The following LHFPL6 variants were observed in gnomAD, a reference collection of about 807,000 sequenced individuals.
LHFPL6 encodes the protein LHFPL tetraspan subfamily member 6, also known as LHFPL tetraspan subfamily member 6 protein.
In LHFPL6, 9 loss-of-function variants were observed where a neutral mutation model predicts 20.6. The observed-to-expected ratio is 0.44, with a 90% CI of 0.26 to 0.76. The LOEUF is 0.76. LHFPL6 is among the 30% of genes least tolerant of loss of function. The pLI, the probability that LHFPL6 is intolerant of heterozygous loss-of-function variation, is 0.20. For synonymous variants in LHFPL6, 105 were observed against 98.7 expected (o/e 1.06, Z -0.38); for missense variants, 218 against 253.5 (o/e 0.86, Z 0.95).
chr13:39,344,439 C>A (rs1869336407), intron 3 of LHFPL6, among the ~76,000 whole-genome samples: 1 of 152,190 alleles, frequency 6.6e-6, no homozygotes, highest in African/African-American at 2.4e-5. Context: ...AATGTTGATG[C>A]AATCCTTCTG....
intron 2 of LHFPL6, among the ~76,000 whole-genome samples, chr13:39,448,665 CT>C (rs1872357976): frequency 6.6e-6 from 1 of 152,168 alleles, no homozygotes; most frequent in Non-Finnish European, 1.5e-5. Flanking sequence ...TTTAACAGAA[CT>C]TTTGGTTGTC....
At chr13:39,560,790 C>G (rs1871454091) in intron 2 of LHFPL6, among the ~76,000 whole-genome samples, 1 of 152,140 alleles carries the variant, frequency 6.6e-6, no homozygotes, top group Non-Finnish European at 1.5e-5. Context: ...GCTAGGATTA[C>G]AGGCGTGAGC....
chr13:39,459,467 G>A (rs1035485817), intron 2 of LHFPL6, among the ~76,000 whole-genome samples: 18 of 152,010 alleles, frequency 1.2e-4, no homozygotes, highest in South Asian at 4.1e-4. Flanking sequence ...AGCCACAAGC[G>A]GTTCCACCCT....
At chr13:39,374,567 G>T (rs1260248541) in intron 3 of LHFPL6, among the ~76,000 whole-genome samples, 1 of 152,044 alleles carries the variant, frequency 6.6e-6, no homozygotes, top group Non-Finnish European at 1.5e-5. Flanking sequence ...AAGTTCTATT[G>T]GGGCCATCTA....
intron 2 of LHFPL6, among the ~76,000 whole-genome samples, chr13:39,413,295 G>T (rs1871274964): frequency 6.6e-6 from 1 of 152,138 alleles, no homozygotes; most frequent in African/African-American, 2.4e-5. Flanking sequence ...TTCAGAGCCT[G>T]TGGTCAAATA....
rs1593342439 is a variant in LHFPL6 at position 39,510,873 on chromosome 13, T to A, written c.385+89959A>T. The stretch of plus-strand genomic sequence containing the variant: ...TGGTATTTGTAATCATTACTTTAAA[T>A]TTTTTTTTTTTCTTTTGAGAGGGAG... On this transcript the variant is annotated intron_variant, in intron 2 of 3. Transcript: ENST00000379589. Among the ~76,000 whole-genome samples, 5 of 34,536 alleles carry A rather than the reference T, an allele frequency of 1.4e-4. No homozygotes were observed. The South Asian group carries it at 8.3e-3, about 57-fold the overall frequency. 22.7% of individuals were successfully genotyped at this position (34,536 alleles called of 152,430 possible). A position where few individuals can be genotyped will look rare whatever the true frequency, so the allele number is the denominator to read the frequency against.
chr13:39,584,124 T>C (rs1179849176), intron 2 of LHFPL6, among the ~76,000 whole-genome samples: 1 of 152,232 alleles, frequency 6.6e-6, no homozygotes, highest in Non-Finnish European at 1.5e-5. Flanking sequence ...TTAATGTTTG[T>C]CTCTCTTGCT....
At chr13:39,443,215 C>A (rs56723972) in intron 2 of LHFPL6, among the ~76,000 whole-genome samples, 2 of 152,022 alleles carry the variant, frequency 1.3e-5, no homozygotes, top group Non-Finnish European at 2.9e-5. Flanking sequence ...GTTCTGTCCC[C>A]TTTTCTTCCT....
chr13:39,425,606 G>T (rs1229844549), intron 2 of LHFPL6, among the ~76,000 whole-genome samples: 2 of 152,102 alleles, frequency 1.3e-5, no homozygotes, highest in African/African-American at 4.8e-5. Context: ...TGTGGTTTTT[G>T]ATTTGCATTT....
intron 3 of LHFPL6, among the ~76,000 whole-genome samples, chr13:39,348,356 G>A (rs1362737988): frequency 5.3e-5 from 8 of 152,174 alleles, no homozygotes; most frequent in Non-Finnish European, 1.2e-4. Flanking sequence ...TCTGACAGCT[G>A]AAGTGCCCCC....
At chr13:39,474,076 A>C (rs1017755290) in intron 2 of LHFPL6, among the ~76,000 whole-genome samples, 1 of 152,202 alleles carries the variant, frequency 6.6e-6, no homozygotes. Flanking sequence ...TATCTTCCTA[A>C]ATAAAATTGC....
intron 2 of LHFPL6, among the ~76,000 whole-genome samples, chr13:39,528,214 C>A (rs1178805965): frequency 1.3e-5 from 2 of 152,140 alleles, no homozygotes; most frequent in African/African-American, 4.8e-5. Flanking sequence ...TCCATACACA[C>A]TAATATGTTC....
chr13:39,368,065 C>T (rs1351769083), intron 3 of LHFPL6, among the ~76,000 whole-genome samples: 1 of 152,216 alleles, frequency 6.6e-6, no homozygotes, highest in Non-Finnish European at 1.5e-5. Flanking sequence ...GTGGCTCATG[C>T]TTGTAACCCC....
intron 2 of LHFPL6, among the ~76,000 whole-genome samples, chr13:39,527,414 G>A (rs1157038874): frequency 6.6e-6 from 1 of 151,740 alleles, no homozygotes; most frequent in Non-Finnish European, 1.5e-5. Flanking sequence ...CAGGAGAACA[G>A]ACAGCTGCAG....
chr13:39,576,699 T>A (rs1189133608), intron 2 of LHFPL6, among the ~76,000 whole-genome samples: 1 of 152,102 alleles, frequency 6.6e-6, no homozygotes, highest in African/African-American at 2.4e-5. Flanking sequence ...AGTGGGGTGA[T>A]CATGGCTCAC....
intron 3 of LHFPL6, among the ~76,000 whole-genome samples, chr13:39,350,525 G>T (rs1303692764): frequency 6.6e-6 from 1 of 152,156 alleles, no homozygotes; most frequent in African/African-American, 2.4e-5. Flanking sequence ...ATTCTTCCAT[G>T]GCCTCCCTCT....
chr13:39,472,959 C>G (rs1386661367), intron 2 of LHFPL6, among the ~76,000 whole-genome samples: 1 of 152,130 alleles, frequency 6.6e-6, no homozygotes, highest in Non-Finnish European at 1.5e-5. Flanking sequence ...CTTTCCAAAA[C>G]TGCAGCTGAA....
At chr13:39,494,431 C>A (rs902706613) in intron 2 of LHFPL6, among the ~76,000 whole-genome samples, 1 of 152,122 alleles carries the variant, frequency 6.6e-6, no homozygotes, top group Non-Finnish European at 1.5e-5. Context: ...TCTGAGGTCC[C>A]TCACTTAAGG....
At chr13:39,499,700 G>C (rs550285510) in intron 2 of LHFPL6, among the ~76,000 whole-genome samples, 1 of 152,308 alleles carries the variant, frequency 6.6e-6, no homozygotes, top group East Asian at 1.9e-4. Context: ...CTGGAGAAAG[G>C]CACCTCCCTG....
Sources: gnomAD v4.1 joint callset for allele counts (sites outside exome capture counted in the v4.1 genomes callset) on GRCh38, gnomAD v4.1.1 for gene constraint, MANE v1.5 for transcripts, NCBI Gene and HGNC (gene_info 2026-07-23, HGNC 2026-07-21) for gene names.